The following ANKRD42 variants were observed in gnomAD, a reference collection of about 807,000 sequenced individuals.
ANKRD42 encodes the protein ankyrin repeat domain 42.
Under a neutral mutation model 51.5 loss-of-function variants are expected in ANKRD42, and 43 were observed. That is an observed-to-expected ratio of 0.83 (90% CI 0.65 to 1.08). ANKRD42 has a LOEUF of 1.08. Among genes scored for constraint, ANKRD42 ranks in the 50% least tolerant of loss-of-function variants. The probability of loss-of-function intolerance (pLI) is 0.00; values close to 1 mark genes in which losing one functional copy is unlikely to be tolerated. For synonymous variants in ANKRD42, 203 were observed against 213.0 expected (o/e 0.95, Z 0.41); for missense variants, 608 against 629.3 (o/e 0.97, Z 0.36).
In ANKRD42 at chr11:83,240,930, C is replaced by T. The variant is rs1591005942; in HGVS notation, c.1191C>T (p.Ala397=). ...TGAGTGACTTGGATAAAACAGATGC[C>T]AGAAGTAAGTATGCTGCCTCTGTTG... ...LCLSDLDKTD[A]RMRAYKKIVE... The change falls in exon 9 of 11, where the codon GCC becomes GCT. Residue 397 remains alanine, a synonymous_variant. Coordinates refer to ENST00000533342, the MANE Select transcript of ANKRD42 (RefSeq NM_001300975.2). 6.2e-7 allele frequency: 1 copy of T among 1,610,396 alleles called. No individual in the cohort carries two copies. The highest frequency in any genetic ancestry group is 1.3e-5 in the African/African-American group (1 of 74,736).
chr11:83,214,512 A>T, intron 5 of ANKRD42: 1 of 980,590 alleles, frequency 1.0e-6, no homozygotes, highest in Non-Finnish European at 1.2e-6. Context: ...TAGAGTATTT[A>T]TAATAATATA....
intron 5 of ANKRD42, chr11:83,213,087 A>G (rs140658184): frequency 3.7e-6 from 6 of 1,600,704 alleles, no homozygotes; most frequent in African/African-American, 1.3e-5. Context: ...ACTGACTGAT[A>G]TGTCAAAATT....
intron 7 of ANKRD42, among the ~76,000 whole-genome samples, chr11:83,229,489 C>T (rs1312895938): frequency 6.6e-6 from 1 of 152,082 alleles, no homozygotes; most frequent in Non-Finnish European, 1.5e-5. Context: ...AAAAGATAGG[C>T]TCACTCATGG....
intron 5 of ANKRD42, among the ~76,000 whole-genome samples, chr11:83,223,323 C>T (rs1018912099): frequency 2.6e-5 from 4 of 152,042 alleles, no homozygotes; most frequent in East Asian, 1.9e-4. Flanking sequence ...TAGTGGCATG[C>T]GTAAGAAATA....
intron 6 of ANKRD42, among the ~76,000 whole-genome samples, chr11:83,226,354 C>T (rs562428959): frequency 1.3e-5 from 2 of 152,236 alleles, no homozygotes; most frequent in South Asian, 4.1e-4. Context: ...AAATGCCAGA[C>T]ATGATAGTAA....
rs761699967 is a variant in ANKRD42 at position 83,194,626 on chromosome 11, A to C, written c.-45A>C. 4.4e-6 allele frequency: 7 copies of C among 1,602,314 alleles called. No homozygotes were observed. The South Asian group carries it at 6.6e-5, about 15-fold the overall frequency. ...AGCAAGTGAAGACCGCCGCAGCATC[A>C]GGGGCCTGGACTCAACTCCTCCCCA... is the stretch of plus-strand genomic sequence containing the variant. On this transcript the variant is annotated 5_prime_UTR_variant, in exon 1 of 11. Coordinates refer to ENST00000533342, the MANE Select transcript of ANKRD42 (RefSeq NM_001300975.2).
In ANKRD42 at chr11:83,240,728, GATCTGGTTAGTT is replaced by G. The variant is rs1565195272; in HGVS notation, c.1020-28_1020-17del. 1 of 1,611,142 alleles carries G rather than the reference GATCTGGTTAGTT, an allele frequency of 6.2e-7. No individual in the cohort carries two copies. The highest frequency in any genetic ancestry group is 1.1e-5 in the South Asian group (1 of 90,868). ...CAGTTTCAGTTTGAAGAAGATTGTG[GATCTGGTTAGTT>G]ATTGATTCTTTTCTACAGGTTTGCC... On this transcript the variant is annotated intron_variant, in intron 8 of 10. Coordinates refer to ENST00000533342, the MANE Select transcript of ANKRD42 (RefSeq NM_001300975.2).
chr11:83,223,713 C>T (rs1027891257), intron 5 of ANKRD42, among the ~76,000 whole-genome samples: 7 of 152,214 alleles, frequency 4.6e-5, no homozygotes, highest in Admixed American at 4.6e-4. Flanking sequence ...GTGTGAGGGG[C>T]AGCTGAGGGA....
intron 10 of ANKRD42, among the ~76,000 whole-genome samples, chr11:83,246,291 T>C (rs481321): frequency 0.72 from 109,629 of 152,116 alleles, 40,311 homozygotes; most frequent in African/African-American, 0.85. Context: ...TATACTACTA[T>C]AATAAGTAAT....
At chr11:83,216,474 G>A (rs981694653) in intron 5 of ANKRD42, among the ~76,000 whole-genome samples, 4 of 151,984 alleles carry the variant, frequency 2.6e-5, no homozygotes, top group South Asian at 2.1e-4. Context: ...ACAGGCGCCC[G>A]CCACCTCGCC....
At chr11:83,219,930 C>T (rs753746594) in intron 5 of ANKRD42, among the ~76,000 whole-genome samples, 1 of 152,220 alleles carries the variant, frequency 6.6e-6, no homozygotes, top group Non-Finnish European at 1.5e-5. Context: ...TTCCAGGTGC[C>T]ACTCCAAGAA....
intron 5 of ANKRD42, among the ~76,000 whole-genome samples, chr11:83,216,844 C>G (rs1862553267): frequency 6.6e-6 from 1 of 151,634 alleles, no homozygotes; most frequent in Non-Finnish European, 1.5e-5. Context: ...GGAAGCCCAG[C>G]TGGCCCCTCC....
chr11:83,248,316 CA>C lies in ANKRD42; in HGVS notation c.*113del. 1 of 1,417,680 alleles carries C rather than the reference CA, an allele frequency of 7.1e-7. No individual in the cohort carries two copies. Among genetic ancestry groups the C allele is most frequent in the Non-Finnish European group, 9.2e-7 (1 of 1,092,450 alleles). The allele number at this position is 1,417,680 out of a possible 1,614,324, so 87.8% of individuals were successfully genotyped here. A position where few individuals can be genotyped will look rare whatever the true frequency, so the allele number is the denominator to read the frequency against. Reference sequence around the variant, plus strand: ...AGGAATACACACACACACACACACACACACACACACACACACACACTCTATA... The same window carrying C: ...AGGAATACACACACACACACACACACCACACACACACACACACACTCTATA... On this transcript the variant is annotated 3_prime_UTR_variant, in exon 11 of 11. Coordinates refer to ENST00000533342, the MANE Select transcript of ANKRD42 (RefSeq NM_001300975.2).
chr11:83,213,553 GT>G (rs879134671), intron 5 of ANKRD42: 7,549 of 933,686 alleles, frequency 8.1e-3, no homozygotes, highest in East Asian at 0.017. Context: ...GGTATTATTA[GT>G]TTTTTTTTTT....
Position 83,255,888 on chromosome 11 carries a change from T to TA in ANKRD42, c.1517dup (p.Val507GlyfsTer22), listed in dbSNP as rs745686628. 8.2e-4 allele frequency: 1,253 copies of TA among 1,518,854 alleles called. 9 individuals carry two copies. In the African/African-American group the frequency reaches 0.015, roughly 19 times the overall value. 94.1% of individuals were successfully genotyped at this position (1,518,854 alleles called of 1,614,324 possible). A position where few individuals can be genotyped will look rare whatever the true frequency, so the allele number is the denominator to read the frequency against. ...GAGTCAAACAAAGAGAAGAGGCGAGTAAAAAAAAAGGTTTCTTCTGGAGGG... is the reference window on the plus strand; with the variant it reads ...GAGTCAAACAAAGAGAAGAGGCGAGTAAAAAAAAAAGGTTTCTTCTGGAGGG... On this transcript the variant is annotated frameshift_variant, in exon 12 of 12. Coordinates refer to the ANKRD42 transcript ENST00000260047. LOFTEE classifies it high-confidence loss of function.
At position 83,255,848 on chromosome 11, in the gene ANKRD42, GAC is replaced by G; in HGVS notation, c.1470_1471del (p.Asp490GlufsTer5). 8 of 1,528,068 alleles carry G rather than the reference GAC, an allele frequency of 5.2e-6. No homozygotes were observed. The highest frequency in any genetic ancestry group is 7.0e-6 in the Non-Finnish European group (8 of 1,144,578). The allele number at this position is 1,528,068 out of a possible 1,614,324, so 94.7% of individuals were successfully genotyped here. On this transcript the variant is annotated frameshift_variant, in exon 12 of 12. Coordinates refer to the ANKRD42 transcript ENST00000260047. LOFTEE classifies it high-confidence loss of function. ...CCCTCTTTTCCTTTGCTTATAGGAA[GAC>G]AGCGCTTCTTGTGAGTCAAACAAAG...
At chr11:83,216,966 G>A (rs1365550146) in intron 5 of ANKRD42, among the ~76,000 whole-genome samples, 9 of 151,832 alleles carry the variant, frequency 5.9e-5, no homozygotes, top group Non-Finnish European at 1.0e-4. Flanking sequence ...TGCAGTTGTG[G>A]TGTCCTCCAG....
downstream of ANKRD42, among the ~76,000 whole-genome samples, chr11:83,263,013 T>TAATA (rs1864020943): frequency 6.6e-6 from 1 of 152,150 alleles, no homozygotes; most frequent in African/African-American, 2.4e-5. Context: ...ACAGATGAGG[T>TAATA]AATACACCCA....
At position 83,194,206 on chromosome 11, in the gene ANKRD42, A is replaced by T. The variant is rs892139849; in HGVS notation, c.-465A>T. On this transcript the variant is annotated 5_prime_UTR_variant, in exon 1 of 11. Transcript: ENST00000533342. ...CCACCAAACTACCGACTCCAGGGGA[A>T]CAGCCAGAGAAGACCGAGGCCTCCG... 4 of 459,270 alleles carry T rather than the reference A, an allele frequency of 8.7e-6. No homozygotes were observed. The highest frequency in any genetic ancestry group is 1.5e-5 in the South Asian group (1 of 64,592). 28.4% of individuals were successfully genotyped at this position (459,270 alleles called of 1,614,324 possible).
Sources: allele counts gnomAD v4.1 joint callset (sites outside exome capture counted in the v4.1 genomes callset), GRCh38; gene constraint gnomAD v4.1.1; transcripts MANE v1.5; gene names NCBI Gene and HGNC (gene_info 2026-07-23, HGNC 2026-07-21).